The following DOCK3 variants were observed in gnomAD, a reference collection of about 807,000 sequenced individuals.
The protein encoded by DOCK3 is dedicator of cytokinesis 3.
DOCK3 carries 60 observed loss-of-function variants against 265.6 expected under a neutral mutation model. That is an observed-to-expected ratio of 0.23 (90% CI 0.18 to 0.28). The LOEUF is 0.28. DOCK3 is among the 10% of genes least tolerant of loss of function. The probability of loss-of-function intolerance (pLI) is 1.00; values close to 1 mark genes in which losing one functional copy is unlikely to be tolerated. For missense variants in DOCK3, 1,981 were observed against 2,594.3 expected, an observed-to-expected ratio of 0.76 and a Z score of 5.14; for synonymous variants, 881 against 938.0, an observed-to-expected ratio of 0.94 and a Z score of 1.11.
At chr3:50,790,648 A>G (rs528378327) in intron 2 of DOCK3, among the ~76,000 whole-genome samples, 2 of 152,112 alleles carry the variant, frequency 1.3e-5, no homozygotes, top group African/African-American at 4.8e-5. Flanking sequence ...TAGGACCTCA[A>G]TCCCTTCAAG....
intron 10 of DOCK3, among the ~76,000 whole-genome samples, chr3:51,155,175 T>C (rs2085789977): frequency 1.3e-5 from 2 of 152,012 alleles, no homozygotes; most frequent in Admixed American, 1.3e-4. Context: ...GTCTTGCTAT[T>C]TTGCCCAGGC....
intron 2 of DOCK3, among the ~76,000 whole-genome samples, chr3:50,824,757 C>T (rs996624342): frequency 6.6e-6 from 1 of 152,122 alleles, no homozygotes; most frequent in Non-Finnish European, 1.5e-5. Context: ...GCTATTTTTT[C>T]ATGTAAATTT....
intron 9 of DOCK3, among the ~76,000 whole-genome samples, chr3:51,143,689 T>C (rs534633604): frequency 2.0e-5 from 3 of 152,374 alleles, no homozygotes; most frequent in Non-Finnish European, 4.4e-5. Flanking sequence ...ATTTTTTATT[T>C]GAATGTTTAT....
At chr3:50,831,339 A>G (rs1280455847) in intron 2 of DOCK3, among the ~76,000 whole-genome samples, 1 of 152,036 alleles carries the variant, frequency 6.6e-6, no homozygotes, top group Non-Finnish European at 1.5e-5. Flanking sequence ...TCAACCCGTC[A>G]TCTACATTAG....
intron 1 of DOCK3, among the ~76,000 whole-genome samples, chr3:50,701,567 C>T (rs907855350): frequency 6.6e-6 from 1 of 152,108 alleles, no homozygotes; most frequent in African/African-American, 2.4e-5. Flanking sequence ...GTTTTCTTTG[C>T]TGTGCAGAAG....
intron 3 of DOCK3, among the ~76,000 whole-genome samples, chr3:50,878,949 C>T (rs1264324770): frequency 6.6e-6 from 1 of 152,128 alleles, no homozygotes; most frequent in Non-Finnish European, 1.5e-5. Flanking sequence ...ACTCTACAAG[C>T]CAGAAGAGAG....
chr3:50,959,925 C>T (rs973727231), intron 5 of DOCK3, among the ~76,000 whole-genome samples: 21 of 152,272 alleles, frequency 1.4e-4, no homozygotes, highest in Admixed American at 1.3e-3. Flanking sequence ...TGATTTCATA[C>T]AGTATGTTTC....
chr3:51,014,844 G>C (rs1431883932), intron 5 of DOCK3, among the ~76,000 whole-genome samples: 1 of 151,922 alleles, frequency 6.6e-6, no homozygotes, highest in African/African-American at 2.4e-5. Flanking sequence ...AGTTTTCTTT[G>C]TAGAGAACTT....
chr3:51,076,299 T>C (rs886595543), intron 7 of DOCK3, among the ~76,000 whole-genome samples: 1 of 152,160 alleles, frequency 6.6e-6, no homozygotes, highest in Non-Finnish European at 1.5e-5. Flanking sequence ...AAGTGTGAGA[T>C]ATAGAGATTA....
In DOCK3 at chr3:51,238,079, T is replaced by G. The variant is rs148494529; in HGVS notation, c.2102+489T>G. On this transcript the variant is annotated intron_variant, in intron 21 of 52. Coordinates refer to ENST00000266037, the MANE Select transcript of DOCK3 (RefSeq NM_004947.5). ...TTAGCATGGGTCAGAATTTCATTCC[T>G]TTCAAAGACTGAATAATGTTCCATT... 1.8e-3 allele frequency among the ~76,000 whole-genome samples: 264 copies of G among 149,244 alleles called. 3 individuals are homozygous for G. Among genetic ancestry groups the G allele is most frequent in the African/African-American group, 5.7e-3 (234 of 40,766 alleles).
chr3:51,169,743 G>GT (rs2086583126), intron 12 of DOCK3, among the ~76,000 whole-genome samples: 1 of 146,958 alleles, frequency 6.8e-6, no homozygotes, highest in South Asian at 2.1e-4. Context: ...TAAAATAAAA[G>GT]TTAAAAAAAA....
At chr3:50,822,310 G>A (rs910982386) in intron 2 of DOCK3, among the ~76,000 whole-genome samples, 2 of 152,052 alleles carry the variant, frequency 1.3e-5, no homozygotes, top group Non-Finnish European at 2.9e-5. Context: ...TCTCAGCCTG[G>A]ATGTTATTGG....
intron 1 of DOCK3, among the ~76,000 whole-genome samples, chr3:50,745,668 C>A (rs1424642646): frequency 6.6e-6 from 1 of 152,196 alleles, no homozygotes; most frequent in Non-Finnish European, 1.5e-5. Flanking sequence ...AGGCATCAAG[C>A]AGCTGCTTCA....
intron 12 of DOCK3, among the ~76,000 whole-genome samples, chr3:51,161,972 A>G (rs2086163580): frequency 6.6e-6 from 1 of 152,224 alleles, no homozygotes; most frequent in Non-Finnish European, 1.5e-5. Flanking sequence ...GGAAAAACAC[A>G]ATAATGAAAA....
intron 22 of DOCK3, among the ~76,000 whole-genome samples, chr3:51,252,546 G>A (rs576882456): frequency 6.6e-6 from 1 of 152,260 alleles, no homozygotes; most frequent in African/African-American, 2.4e-5. Flanking sequence ...GTTGAGCAGT[G>A]GTTTGTAGTT....
At chr3:51,233,172 A>G (rs372490596) in intron 19 of DOCK3, among the ~76,000 whole-genome samples, 12 of 152,198 alleles carry the variant, frequency 7.9e-5, no homozygotes, top group African/African-American at 2.9e-4. Context: ...TTATGTTGGT[A>G]GTTTGATAGG....
chr3:51,254,856 A>G (rs2079459617), intron 22 of DOCK3, among the ~76,000 whole-genome samples: 3 of 152,182 alleles, frequency 2.0e-5, no homozygotes, highest in Non-Finnish European at 2.9e-5. Flanking sequence ...TGGAGCATTT[A>G]GCCCATTTAC....
intron 2 of DOCK3, among the ~76,000 whole-genome samples, chr3:50,830,789 C>T (rs940303614): frequency 6.6e-6 from 1 of 151,976 alleles, no homozygotes; most frequent in Admixed American, 6.6e-5. Flanking sequence ...AATAAGAATG[C>T]GTATTATTTT....
At chr3:50,791,915 A>AT (rs2042500701) in intron 2 of DOCK3, among the ~76,000 whole-genome samples, 2 of 151,248 alleles carry the variant, frequency 1.3e-5, no homozygotes, top group African/African-American at 2.4e-5. Context: ...TATTCGGGAT[A>AT]TTTTTTTATT....
Sources: allele counts gnomAD v4.1 joint callset (sites outside exome capture counted in the v4.1 genomes callset), GRCh38; gene constraint gnomAD v4.1.1; transcripts MANE v1.5; gene names NCBI Gene and HGNC (gene_info 2026-07-23, HGNC 2026-07-21).